Variants in RBPJ observed in about 807,000 individuals in gnomAD.
RBPJ encodes recombination signal binding protein for immunoglobulin kappa J region.
RBPJ carries 9 observed loss-of-function variants against 67.8 expected under a neutral mutation model. The ratio of observed to expected loss-of-function variants is 0.13; its 90% CI spans 0.08 to 0.23. The LOEUF is 0.23. Ranked by LOEUF, RBPJ falls within the 10% of genes least tolerant of loss-of-function variation. The pLI is 1.00. For missense variants in RBPJ, 305 were observed against 595.6 expected, an observed-to-expected ratio of 0.51 and a Z score of 5.08; for synonymous variants, 198 against 203.3, an observed-to-expected ratio of 0.97 and a Z score of 0.22.
intron 1 of RBPJ, among the ~76,000 whole-genome samples, chr4:26,245,547 GAC>G (rs1719901047): frequency 6.6e-6 from 1 of 152,128 alleles, no homozygotes; most frequent in African/African-American, 2.4e-5. Flanking sequence ...TCACTTTTGT[GAC>G]AGTCTCCTTT....
chr4:26,243,481 T>C lies in RBPJ; in HGVS notation c.-167+79867T>C, dbSNP rs554734783. Among the ~76,000 whole-genome samples, 10 of 152,280 alleles carry C rather than the reference T, an allele frequency of 6.6e-5. No homozygotes were observed. The South Asian group carries it at 1.9e-3, about 28-fold the overall frequency. ...TTCTCAGTATTTCTGGACTTTTGAG[T>C]GAGAATAATTGTGATATTAATGAAT... On this transcript the variant is annotated intron_variant, in intron 1 of 4. Coordinates refer to the RBPJ transcript ENST00000512351.
chr4:26,365,498 G>A (rs987280721), intron 1 of RBPJ, among the ~76,000 whole-genome samples: 9 of 152,172 alleles, frequency 5.9e-5, no homozygotes, highest in African/African-American at 1.9e-4. Context: ...ATTAAAGCAT[G>A]TATTAGCATA....
intron 1 of RBPJ, among the ~76,000 whole-genome samples, chr4:26,314,249 TA>T (rs958109594): frequency 2.0e-5 from 3 of 151,374 alleles, no homozygotes; most frequent in Non-Finnish European, 2.9e-5. Flanking sequence ...ATGTATAATT[TA>T]AAAAAAAAGA....
Position 26,192,410 on chromosome 4 carries a change from G to A in RBPJ, c.-167+28796G>A, listed in dbSNP as rs536553481. Among the ~76,000 whole-genome samples the A allele has an allele frequency of 6.6e-5, 10 of 152,186 alleles. No individual in the cohort carries two copies. In the South Asian group the frequency reaches 1.9e-3, roughly 28 times the overall value. On this transcript the variant is annotated intron_variant, in intron 1 of 4. Transcript: ENST00000512351. ...TGATACTCATCTAAGTATTTGTCCT[G>A]CACACACAAATTCCCCCATATACAC...
chr4:26,131,170 T>C, the RBPJ span, among the ~76,000 whole-genome samples: 1 of 152,186 alleles, frequency 6.6e-6, no homozygotes, highest in African/African-American at 2.4e-5. Flanking sequence ...CATTAGCCTG[T>C]GATAATTTAG....
chr4:26,344,612 T>G (rs1224499354), intron 1 of RBPJ, among the ~76,000 whole-genome samples: 1 of 152,190 alleles, frequency 6.6e-6, no homozygotes, highest in Non-Finnish European at 1.5e-5. Flanking sequence ...AAGGGAGATG[T>G]GGTAATTTTT....
At chr4:26,228,637 G>C (rs1011934059) in intron 1 of RBPJ, among the ~76,000 whole-genome samples, 1 of 152,150 alleles carries the variant, frequency 6.6e-6, no homozygotes, top group East Asian at 1.9e-4. Context: ...AGAACACAAC[G>C]TGTTACTAGT....
chr4:26,214,541 G>A (rs986625420), intron 1 of RBPJ, among the ~76,000 whole-genome samples: 20 of 11,826 alleles, frequency 1.7e-3, no homozygotes, highest in African/African-American at 4.4e-3. Flanking sequence ...GGAAGGGAGG[G>A]AGGGAGGGAG....
At chr4:26,227,347 C>T (rs972116766) in intron 1 of RBPJ, among the ~76,000 whole-genome samples, 3 of 152,234 alleles carry the variant, frequency 2.0e-5, no homozygotes, top group African/African-American at 7.2e-5. Flanking sequence ...CGGCTAGTTG[C>T]CCAACATCTA....
chr4:26,338,156 C>CTTTTT (rs773976269), intron 1 of RBPJ, among the ~76,000 whole-genome samples: 69 of 88,996 alleles, frequency 7.8e-4, no homozygotes, highest in East Asian at 1.7e-3. Context: ...ATTTTTCTTT[C>CTTTTT]TTTTTTTTTT....
chr4:26,254,625 G>A lies in RBPJ; in HGVS notation c.-167+91011G>A, dbSNP rs183376275. Among the ~76,000 whole-genome samples the A allele has an allele frequency of 1.7e-4, 25 of 148,008 alleles. No homozygotes were observed. In the East Asian group the frequency reaches 3.3e-3, roughly 20 times the overall value. ...GCTATGTAAATGCTATACATGCTAC[G>A]TGAATGTTATCGATGCTAGATATGC... On this transcript the variant is annotated intron_variant, in intron 1 of 4. Coordinates refer to the RBPJ transcript ENST00000512351.
chr4:26,221,669 A>C (rs1718914073), intron 1 of RBPJ, among the ~76,000 whole-genome samples: 1 of 152,240 alleles, frequency 6.6e-6, no homozygotes, highest in African/African-American at 2.4e-5. Context: ...ATACTTACAA[A>C]GAGTAGAATA....
chr4:26,318,200 C>A (rs931428034), upstream of RBPJ, among the ~76,000 whole-genome samples: 2 of 152,080 alleles, frequency 1.3e-5, no homozygotes, highest in African/African-American at 4.8e-5. Context: ...TATTAGAGAA[C>A]TCACTGTCCT....
At chr4:26,373,978 G>A (rs1729442822) in intron 1 of RBPJ, among the ~76,000 whole-genome samples, 1 of 148,860 alleles carries the variant, frequency 6.7e-6, no homozygotes, top group South Asian at 2.1e-4. Flanking sequence ...GAGTGCAGTG[G>A]CACGATCTTG....
chr4:26,207,829 C>G (rs771760667), intron 1 of RBPJ, among the ~76,000 whole-genome samples: 5 of 152,172 alleles, frequency 3.3e-5, no homozygotes, highest in Non-Finnish European at 7.3e-5. Context: ...ATTCTGGAAA[C>G]CACAACAACA....
At chr4:26,166,735 T>G (rs1407845312) in intron 1 of RBPJ, among the ~76,000 whole-genome samples, 1 of 152,180 alleles carries the variant, frequency 6.6e-6, no homozygotes, top group Non-Finnish European at 1.5e-5. Flanking sequence ...AGATCCCATT[T>G]GTCAATTTTG....
chr4:26,250,159 C>T (rs1385365134), intron 1 of RBPJ, among the ~76,000 whole-genome samples: 7 of 151,932 alleles, frequency 4.6e-5, no homozygotes, highest in Non-Finnish European at 7.4e-5. Context: ...TCCCCATCCC[C>T]GAACTTCTAG....
At chr4:26,160,503 T>C (rs771051596), upstream of RBPJ, among the ~76,000 whole-genome samples, 19 of 152,210 alleles carry the variant, frequency 1.2e-4, no homozygotes, top group Admixed American at 6.5e-5. Flanking sequence ...AGTATCTTAT[T>C]CTATAATGTA....
At chr4:26,109,039 C>T in the RBPJ span, among the ~76,000 whole-genome samples, 2 of 151,952 alleles carry the variant, frequency 1.3e-5, no homozygotes, top group Admixed American at 1.3e-4. Flanking sequence ...TACTCTTCCT[C>T]ACTAGCCAGA....
Sources: allele counts gnomAD v4.1 joint callset (sites outside exome capture counted in the v4.1 genomes callset), GRCh38; gene constraint gnomAD v4.1.1; transcripts MANE v1.5; gene names NCBI Gene and HGNC (gene_info 2026-07-23, HGNC 2026-07-21).